TCTN3: variants seen among roughly 807,000 people sequenced by gnomAD.
The protein encoded by TCTN3 is tectonic family member 3.
Under a neutral mutation model 71.3 loss-of-function variants are expected in TCTN3, and 57 were observed. The observed-to-expected ratio is 0.80, with a 90% CI of 0.65 to 1.00. TCTN3 has a LOEUF of 1.00. Among genes scored for constraint, TCTN3 ranks in the 50% least tolerant of loss-of-function variants. The pLI is 0.00. For missense variants in TCTN3, 696 were observed against 719.9 expected, an observed-to-expected ratio of 0.97 and a Z score of 0.38; for synonymous variants, 258 against 267.8, an observed-to-expected ratio of 0.96 and a Z score of 0.36.
At chr10:95,692,333 C>G (rs1249753911) in intron 3 of TCTN3, among the ~76,000 whole-genome samples, 1 of 151,968 alleles carries the variant, frequency 6.6e-6, no homozygotes, top group African/African-American at 2.4e-5. Context: ...TTGCAAAACC[C>G]CGTCTCTACT....
intron 13 of TCTN3, among the ~76,000 whole-genome samples, chr10:95,677,474 G>GGT (rs2097938217): frequency 2.5e-5 from 2 of 80,738 alleles, no homozygotes; most frequent in South Asian, 3.7e-4. Flanking sequence ...GAAGTCTACA[G>GGT]TTTTTTTTGT....
In TCTN3 at chr10:95,693,203, A is replaced by T. The variant is rs149416401; in HGVS notation, c.380+150T>A. On this transcript the variant is annotated intron_variant, in intron 2 of 13. Coordinates refer to ENST00000371217, the MANE Select transcript of TCTN3 (RefSeq NM_015631.6). The stretch of plus-strand genomic sequence containing the variant: ...CTGGCCAGCCCTGCTCTAGAGAATC[A>T]GAAAAGGCAATTCCTAGGAAAAACC... The T allele has an allele frequency of 2.5e-3, 3,394 of 1,362,138 alleles. 12 individuals carry two copies. The highest frequency in any genetic ancestry group is 4.2e-3 in the South Asian group (284 of 67,956). The allele number at this position is 1,362,138 out of a possible 1,614,324, so 84.4% of individuals were successfully genotyped here.
At chr10:95,683,663 G>T in intron 9 of TCTN3, 34 bp from the exon 10 acceptor site, 1 of 1,575,100 alleles carries the variant, frequency 6.3e-7, no homozygotes, top group African/African-American at 1.4e-5. Context: ...CAATTATGGA[G>T]ATAAGCATAC....
chr10:95,689,394 C>G (rs1040521643), intron 3 of TCTN3, among the ~76,000 whole-genome samples: 9 of 152,220 alleles, frequency 5.9e-5, no homozygotes, highest in African/African-American at 1.9e-4. Flanking sequence ...CACCTCTGAT[C>G]TGAAATCTTC....
chr10:95,691,224 A>G (rs2097953250), intron 3 of TCTN3, among the ~76,000 whole-genome samples: 1 of 152,186 alleles, frequency 6.6e-6, no homozygotes, highest in Non-Finnish European at 1.5e-5. Context: ...GTTGGAGTGC[A>G]GTGGTGCAAT....
At chr10:95,669,403 T>C (rs915601536) in intron 13 of TCTN3, among the ~76,000 whole-genome samples, 2 of 152,188 alleles carry the variant, frequency 1.3e-5, no homozygotes, top group Non-Finnish European at 2.9e-5. Flanking sequence ...ACATGGATCC[T>C]TGACTCCTTC....
intron 3 of TCTN3, among the ~76,000 whole-genome samples, 187 bp from the exon 4 acceptor site, chr10:95,687,906 C>T (rs2097950006): frequency 6.6e-6 from 1 of 152,152 alleles, no homozygotes; most frequent in South Asian, 2.1e-4. Flanking sequence ...AATATTTCCC[C>T]AGAAGGCTCC....
chr10:95,664,816 C>T (rs1281576125), intron 13 of TCTN3, among the ~76,000 whole-genome samples: 1 of 152,208 alleles, frequency 6.6e-6, no homozygotes. Flanking sequence ...CAGACTGACT[C>T]AAGTATCTGA....
At chr10:95,686,605 T>C in intron 6 of TCTN3, 75 bp from the exon 7 acceptor site, 1 of 1,463,434 alleles carries the variant, frequency 6.8e-7, no homozygotes, top group South Asian at 1.2e-5. Flanking sequence ...TTCATATTAC[T>C]ACCAATAGGC....
At chr10:95,668,111 C>A (rs2097927330) in intron 13 of TCTN3, among the ~76,000 whole-genome samples, 1 of 150,294 alleles carries the variant, frequency 6.7e-6, no homozygotes, top group Non-Finnish European at 1.5e-5. Flanking sequence ...ATCTGATGGC[C>A]AAAATAAAAA....
rs1408412893 is a variant in TCTN3 at position 95,683,379 on chromosome 10, T to C, written c.1203+143A>G. Reference sequence around the variant, plus strand: ...CAGAGAGACAACTAGATTCCAAAAATGATTAACCATATATTAGTATATAAG... The same window carrying C: ...CAGAGAGACAACTAGATTCCAAAAACGATTAACCATATATTAGTATATAAG... On this transcript the variant is annotated intron_variant, in intron 10 of 13. Transcript: ENST00000371217. 3 of 1,515,024 alleles carry C rather than the reference T, an allele frequency of 2.0e-6. No homozygotes were observed. The East Asian group carries it at 7.4e-5, about 37-fold the overall frequency. The allele number at this position is 1,515,024 out of a possible 1,614,324, so 93.8% of individuals were successfully genotyped here.
rs1314557393 is a variant in TCTN3, at chr10:95,692,928, A to G, written c.491T>C (p.Val164Ala). The G allele has an allele frequency of 1.2e-5, 19 of 1,610,310 alleles. No individual in the cohort carries two copies. Among genetic ancestry groups the G allele is most frequent in the Non-Finnish European group, 1.5e-5 (18 of 1,176,488 alleles). Residue 164 changes from valine (V) to alanine (A), a missense_variant, in exon 3 of 14, where the codon GTG becomes GCG. Coordinates refer to ENST00000371217, the MANE Select transcript of TCTN3 (RefSeq NM_015631.6). ...AACATGTTTCTACTCACAGTTGTTC[A>G]CATGGACACAAAACTGCCTGATTCC... is the stretch of plus-strand genomic sequence containing the variant. Reference protein sequence around the residue: ...SNGIRQFCVHVNNSNLNYFQK... With the variant: ...SNGIRQFCVHANNSNLNYFQK...
At position 95,683,116 on chromosome 10, in the gene TCTN3, G is replaced by C; in HGVS notation, c.1283C>G (p.Ser428Cys). Residue 428 changes from serine to cysteine, a missense_variant, in exon 11 of 14, where the codon TCT becomes TGT. Ser to Cys is a moderately radical substitution (Grantham distance 112). Transcript: ENST00000371217. The stretch of plus-strand genomic sequence containing the variant: ...AAAGAACTACCTGAGCTTGCATCCA[G>C]ATATTGCATTCACTCCAAACTGCAC... ...HEVQFGVNAI[S>C]GCKLRLKKAD... 1 of 1,613,946 alleles carries C rather than the reference G, an allele frequency of 6.2e-7. No individual in the cohort carries two copies. The highest frequency in any genetic ancestry group is 8.5e-7 in the Non-Finnish European group (1 of 1,179,866).
intron 3 of TCTN3, among the ~76,000 whole-genome samples, chr10:95,692,324 T>G (rs1180044756): frequency 6.6e-6 from 1 of 151,916 alleles, no homozygotes; most frequent in Non-Finnish European, 1.5e-5. Flanking sequence ...TGGCCAACAT[T>G]GCAAAACCCC....
chr10:95,692,769 T>C (rs1366437342), intron 3 of TCTN3, 151 bp downstream of exon 3: 2 of 534,112 alleles, frequency 3.7e-6, no homozygotes, highest in South Asian at 2.4e-5. Flanking sequence ...TTTTTTTTGC[T>C]TTTTTTTTGT....
Position 95,664,158 on chromosome 10 carries a change from C to T in TCTN3, c.1733G>A (p.Ser578Asn), listed in dbSNP as rs2097923938. Residue 578 changes from serine (S) to asparagine (N), a missense_variant, in exon 14 of 14, where the codon AGC (serine) becomes AAC (asparagine). Coordinates refer to ENST00000371217, the MANE Select transcript of TCTN3 (RefSeq NM_015631.6). ...GCATTTTTGAGAGAATACTCCTCTG[C>T]TGAATGCCACTTTGAAGGGAAAGAA... ...FDFFPFKVAF[S>N]RGVFSQKCSV... 6.2e-7 allele frequency: 1 copy of T among 1,614,074 alleles called. No individual in the cohort carries two copies. Among genetic ancestry groups the T allele is most frequent in the African/African-American group, 1.3e-5 (1 of 74,924 alleles).
At chr10:95,693,519 A>G in intron 1 of TCTN3, 43 bp from the exon 2 acceptor site, 1 of 1,551,718 alleles carries the variant, frequency 6.4e-7, no homozygotes, top group Non-Finnish European at 8.7e-7. Context: ...AAGATCCCCA[A>G]ACTCTCCCAG....
intron 13 of TCTN3, among the ~76,000 whole-genome samples, chr10:95,677,500 T>TTTTTTTTTTTTTTTTTC (rs2097938653): frequency 6.8e-6 from 1 of 146,602 alleles, no homozygotes; most frequent in Non-Finnish European, 1.5e-5. Flanking sequence ...TTTTTTTTTT[T>TTTTTTTTTTTTTTTTTC]TGCTGTATTT....
intron 9 of TCTN3, among the ~76,000 whole-genome samples, 170 bp downstream of exon 9, chr10:95,684,329 C>T (rs2097946141): frequency 6.6e-6 from 1 of 152,128 alleles, no homozygotes; most frequent in Non-Finnish European, 1.5e-5. Context: ...TGTAGAATAA[C>T]CACAACTTGT....
Sources: gnomAD v4.1 joint callset for allele counts (sites outside exome capture counted in the v4.1 genomes callset) on GRCh38, gnomAD v4.1.1 for gene constraint, MANE v1.5 for transcripts, NCBI Gene and HGNC (gene_info 2026-07-23, HGNC 2026-07-21) for gene names.